Variants in MLLT10 observed in about 807,000 individuals in gnomAD.
MLLT10 encodes the protein MLLT10 histone lysine methyltransferase DOT1L cofactor, also known as protein AF-10.
In MLLT10, 30 loss-of-function variants were observed where a neutral mutation model predicts 129.1. That is an observed-to-expected ratio of 0.23 (90% CI 0.17 to 0.32). The LOEUF is 0.32. Ranked by LOEUF, MLLT10 falls within the 10% of genes least tolerant of loss-of-function variation. The pLI, the probability that MLLT10 is intolerant of heterozygous loss-of-function variation, is 1.00. For missense variants in MLLT10, 1,119 were observed against 1,268.3 expected, an observed-to-expected ratio of 0.88 and a Z score of 1.79; for synonymous variants, 490 against 446.4, an observed-to-expected ratio of 1.10 and a Z score of -1.23.
chr10:21,689,927 A>G (rs977458277), intron 13 of MLLT10, among the ~76,000 whole-genome samples: 1 of 151,900 alleles, frequency 6.6e-6, no homozygotes, highest in African/African-American at 2.4e-5. Context: ...CTGGAAGTCA[A>G]ACTGATGAGA....
At chr10:21,557,057 A>G (rs1412950317) in intron 3 of MLLT10, 1 of 1,414,596 alleles carries the variant, frequency 7.1e-7, no homozygotes, top group Non-Finnish European at 9.2e-7. Flanking sequence ...ATTTTTTCCC[A>G]CTCAACTCAC....
intron 3 of MLLT10, chr10:21,556,841 C>T: frequency 6.4e-7 from 1 of 1,553,830 alleles, no homozygotes; most frequent in Non-Finnish European, 8.7e-7. Context: ...TACCACTTGT[C>T]ATATGTCCTT....
At chr10:21,648,844 C>T (rs890590479) in intron 8 of MLLT10, among the ~76,000 whole-genome samples, 2 of 152,128 alleles carry the variant, frequency 1.3e-5, no homozygotes, top group Non-Finnish European at 2.9e-5. Flanking sequence ...TGGCGGCAGG[C>T]AGGAGACAAT....
intron 3 of MLLT10, among the ~76,000 whole-genome samples, chr10:21,567,695 T>C (rs1371997770): frequency 6.6e-6 from 1 of 152,052 alleles, no homozygotes; most frequent in African/African-American, 2.4e-5. Flanking sequence ...CTGGTATGGG[T>C]GGGGCTAGGT....
At chr10:21,611,781 C>G (rs755096149) in intron 5 of MLLT10, among the ~76,000 whole-genome samples, 5 of 152,118 alleles carry the variant, frequency 3.3e-5, no homozygotes, top group Non-Finnish European at 5.9e-5. Flanking sequence ...GCTAAAGTAT[C>G]TTCTTCTGTA....
chr10:21,539,495 C>T (rs112399746), intron 3 of MLLT10, among the ~76,000 whole-genome samples: 9 of 151,172 alleles, frequency 6.0e-5, no homozygotes, highest in East Asian at 3.9e-4. Context: ...AAGGAGGTGC[C>T]GGGTGCAGTG....
intron 21 of MLLT10, among the ~76,000 whole-genome samples, chr10:21,736,678 G>A (rs1262508538): frequency 6.6e-6 from 1 of 152,180 alleles, no homozygotes; most frequent in Non-Finnish European, 1.5e-5. Flanking sequence ...ACTGAGATGT[G>A]GGAGAACAGA....
At position 21,617,140 on chromosome 10, in the gene MLLT10, C is replaced by T; in HGVS notation, c.632C>T (p.Ser211Leu). The change falls in exon 8 of 23, where the codon TCA becomes TTA. Residue 211 changes from serine (S) to leucine (L), a missense_variant. Coordinates refer to ENST00000307729, the MANE Select transcript of MLLT10 (RefSeq NM_001195626.3). ...LKKSKRGSNR[S>L]YDQSLSDSSS... Reference sequence around the variant, plus strand: ...AAGAGCAAACGGGGATCTAATAGGTCATATGATCAAAGTTTAAGTGATTCT... The same window carrying T: ...AAGAGCAAACGGGGATCTAATAGGTTATATGATCAAAGTTTAAGTGATTCT... The T allele has an allele frequency of 6.5e-7, 1 of 1,532,962 alleles. No homozygotes were observed. The highest frequency in any genetic ancestry group is 8.8e-7 in the Non-Finnish European group (1 of 1,135,230). 95.0% of individuals were successfully genotyped at this position (1,532,962 alleles called of 1,614,324 possible).
rs2058074891 is a variant in MLLT10 at position 21,732,860 on chromosome 10, G to A, written c.2219-39G>A. The stretch of plus-strand genomic sequence containing the variant: ...GCGTAAAATACTTAGTCTTATGTGT[G>A]TACTTGTCATTATTAAAAACTATCC... On this transcript the variant is annotated intron_variant, in intron 17 of 22. Coordinates refer to ENST00000307729, the MANE Select transcript of MLLT10 (RefSeq NM_001195626.3). The A allele has an allele frequency of 3.2e-6, 5 of 1,568,216 alleles. No homozygotes were observed. In the Admixed American group the frequency reaches 8.7e-5, roughly 27 times the overall value.
intron 13 of MLLT10, among the ~76,000 whole-genome samples, chr10:21,690,652 G>T (rs532865705): frequency 6.6e-6 from 1 of 151,560 alleles, no homozygotes; most frequent in East Asian, 1.9e-4. Context: ...TTTTTTGTCC[G>T]AAATACCTCT....
intron 22 of MLLT10, among the ~76,000 whole-genome samples, chr10:21,741,323 A>G (rs1833577720): frequency 1.3e-5 from 2 of 152,186 alleles, no homozygotes. Flanking sequence ...GAAATGCACT[A>G]ATTACAAACT....
intron 13 of MLLT10, among the ~76,000 whole-genome samples, chr10:21,692,321 ATATTAT>A (rs149552027): frequency 8.0e-5 from 12 of 150,618 alleles, no homozygotes; most frequent in Admixed American, 2.0e-4. Context: ...CACAATGGTT[ATATTAT>A]TATTATTATT....
chr10:21,692,867 T>C (rs1468669186), intron 13 of MLLT10, among the ~76,000 whole-genome samples: 3 of 152,224 alleles, frequency 2.0e-5, no homozygotes, highest in Non-Finnish European at 4.4e-5. Context: ...GTGGCCATTC[T>C]TTTATGTTTT....
intron 14 of MLLT10, among the ~76,000 whole-genome samples, chr10:21,725,841 C>G (rs1365626391): frequency 6.6e-6 from 1 of 151,048 alleles, no homozygotes; most frequent in East Asian, 2.0e-4. Flanking sequence ...AGCTCCACCT[C>G]CTGGGTTCAC....
chr10:21,724,431 T>G (rs944219120), intron 14 of MLLT10, among the ~76,000 whole-genome samples: 2 of 152,382 alleles, frequency 1.3e-5, no homozygotes, highest in Middle Eastern at 3.4e-3. Context: ...TAGTCTCTTG[T>G]GTGCAGTTAT....
intron 13 of MLLT10, chr10:21,708,553 CTGTTTTTTTTGTGTGTG>C: frequency 1.0e-6 from 1 of 982,856 alleles, no homozygotes; most frequent in Non-Finnish European, 1.2e-6. Context: ...ACATTTTGCT[CTGTTTTTTTTGTGTGTG>C]TGTTTTTTTT....
chr10:21,650,649 TTAAA>T (rs1192836633), intron 8 of MLLT10, among the ~76,000 whole-genome samples: 1 of 152,162 alleles, frequency 6.6e-6, no homozygotes, highest in Non-Finnish European at 1.5e-5. Flanking sequence ...GATGAACTCT[TTAAA>T]TAGTAAATTT....
At chr10:21,606,779 A>G (rs2044110149) in intron 5 of MLLT10, among the ~76,000 whole-genome samples, 1 of 152,216 alleles carries the variant, frequency 6.6e-6, no homozygotes, top group Non-Finnish European at 1.5e-5. Context: ...GATGGTGTAA[A>G]CATTGTTGAA....
intron 8 of MLLT10, among the ~76,000 whole-genome samples, chr10:21,647,250 C>A (rs2048590366): frequency 6.6e-6 from 1 of 151,812 alleles, no homozygotes; most frequent in Non-Finnish European, 1.5e-5. Flanking sequence ...CATTTTTCTC[C>A]CCATTGCAAA....
Sources: allele counts gnomAD v4.1 joint callset (sites outside exome capture counted in the v4.1 genomes callset), GRCh38; gene constraint gnomAD v4.1.1; transcripts MANE v1.5; gene names NCBI Gene and HGNC (gene_info 2026-07-23, HGNC 2026-07-21).